The following LYG1 variants were observed in gnomAD, a reference collection of about 807,000 sequenced individuals.
LYG1 encodes lysozyme g-like protein 1.
LYG1 carries 17 observed loss-of-function variants against 21.7 expected under a neutral mutation model. The ratio of observed to expected loss-of-function variants is 0.78; its 90% CI spans 0.54 to 1.18. The LOEUF (loss-of-function observed/expected upper bound fraction) is 1.18, where lower values mean the gene tolerates loss of function less well. Among genes scored for constraint, LYG1 ranks in the 50% most tolerant of loss-of-function variants. The probability of loss-of-function intolerance (pLI) is 0.00; values close to 1 mark genes in which losing one functional copy is unlikely to be tolerated. For synonymous variants in LYG1, 81 were observed against 87.4 expected (o/e 0.93, Z 0.41); for missense variants, 211 against 238.1 (o/e 0.89, Z 0.75).
intron 5 of LYG1, among the ~76,000 whole-genome samples, chr2:99,289,028 A>G (rs1269747256): frequency 2.6e-5 from 4 of 152,186 alleles, no homozygotes; most frequent in Admixed American, 2.6e-4. Flanking sequence ...ATCAGCAACA[A>G]CTGAGAACTT....
intron 3 of LYG1, among the ~76,000 whole-genome samples, chr2:99,294,637 G>T (rs2094131091): frequency 6.6e-6 from 1 of 152,076 alleles, no homozygotes; most frequent in African/African-American, 2.4e-5. Context: ...CACACTCTAT[G>T]ATCCTCAAAA....
chr2:99,289,161 A>C (rs565665967), intron 5 of LYG1, among the ~76,000 whole-genome samples: 2 of 152,272 alleles, frequency 1.3e-5, no homozygotes, highest in East Asian at 3.9e-4. Flanking sequence ...AACTAGACTT[A>C]AAAAACAAAA....
upstream of LYG1, among the ~76,000 whole-genome samples, chr2:99,303,622 G>T (rs2094160216): frequency 6.6e-6 from 1 of 152,206 alleles, no homozygotes; most frequent in Non-Finnish European, 1.5e-5. Flanking sequence ...TCCCCTGGCT[G>T]CTGATTGCAT....
chr2:99,304,728 G>A (rs1389245412), upstream of LYG1: 1 of 152,124 alleles, frequency 6.6e-6, no homozygotes, highest in Non-Finnish European at 1.5e-5. Flanking sequence ...AGACCAGCCT[G>A]GGCAACATAG....
chr2:99,302,882 G>A (rs190145704), upstream of LYG1, among the ~76,000 whole-genome samples: 343 of 152,184 alleles, frequency 2.3e-3, 4 homozygotes, highest in African/African-American at 8.0e-3. Flanking sequence ...TCCAGGCATG[G>A]TGGCACACAC....
Position 99,292,581 on chromosome 2 carries a change from CA to C in LYG1, c.102del (p.Gly35GlufsTer12), listed in dbSNP as rs1454146127. 1 of 1,614,076 alleles carries C rather than the reference CA, an allele frequency of 6.2e-7. No individual in the cohort carries two copies. Among genetic ancestry groups the C allele is most frequent in the Non-Finnish European group, 8.5e-7 (1 of 1,180,030 alleles). ...CYGNIQSLDT[P>X]GASCGIGRRH... is the part of the protein sequence containing the mutation. Reference sequence around the variant, plus strand: ...CGTCTTCCAATCCCACAAGATGCTCCAGGGGTGTCCAGGCTTTGGATGTTTC... The same window carrying C: ...CGTCTTCCAATCCCACAAGATGCTCCGGGGTGTCCAGGCTTTGGATGTTTC... On this transcript the variant is annotated frameshift_variant, in exon 4 of 7. Coordinates refer to ENST00000308528, the MANE Select transcript of LYG1 (RefSeq NM_174898.3). LOFTEE classifies it high-confidence loss of function.
chr2:99,304,745 C>T (rs531724913), upstream of LYG1: 1 of 152,244 alleles, frequency 6.6e-6, no homozygotes, highest in South Asian at 2.1e-4. Flanking sequence ...ATAGCAACAT[C>T]CTGTCTCAAT....
chr2:99,284,642 TATTA>T (rs1559216206), intron 6 of LYG1, 42 bp downstream of exon 6: 4 of 1,606,002 alleles, frequency 2.5e-6, no homozygotes, highest in South Asian at 1.1e-5. Flanking sequence ...TATTTGTCCC[TATTA>T]ATTCTGTGCT....
At chr2:99,296,640 C>T (rs1163953185) in intron 2 of LYG1, among the ~76,000 whole-genome samples, 1 of 152,186 alleles carries the variant, frequency 6.6e-6, no homozygotes, top group Non-Finnish European at 1.5e-5. Context: ...CAAGCCCTGC[C>T]ACTCCAGGGT....
chr2:99,288,655 G>A (rs1212134492), intron 5 of LYG1, among the ~76,000 whole-genome samples: 3 of 152,078 alleles, frequency 2.0e-5, no homozygotes, highest in African/African-American at 7.2e-5. Context: ...TGCAACCTCC[G>A]CCTCCCAGGC....
chr2:99,286,089 C>T (rs1044378731), intron 5 of LYG1, among the ~76,000 whole-genome samples: 9 of 152,002 alleles, frequency 5.9e-5, no homozygotes, highest in African/African-American at 1.7e-4. Context: ...AGAGACTAAG[C>T]CAGCACACTC....
intron 3 of LYG1, 143 bp from the exon 4 acceptor site, chr2:99,292,783 T>C: frequency 1.6e-6 from 1 of 629,986 alleles, no homozygotes. Flanking sequence ...TCTTGAAATT[T>C]AAATGAGAAA....
At chr2:99,287,627 TTCTC>T (rs2094104338) in intron 5 of LYG1, among the ~76,000 whole-genome samples, 2 of 152,156 alleles carry the variant, frequency 1.3e-5, no homozygotes, top group African/African-American at 4.8e-5. Flanking sequence ...TATCTAGTGT[TTCTC>T]TATCATCCTG....
chr2:99,284,914 CTT>C (rs2094093984), intron 5 of LYG1, 94 bp from the exon 6 acceptor site: 1 of 1,484,188 alleles, frequency 6.7e-7, no homozygotes, highest in Admixed American at 2.0e-5. Context: ...TTTCCTGTCT[CTT>C]GTTCTCCTTT....
Position 99,284,813 on chromosome 2 carries a change from C to T in LYG1, c.341G>A (p.Gly114Asp), listed in dbSNP as rs1184309621. ...GDRTSMVQDP[G>D]SQAPTSWISE... The stretch of plus-strand genomic sequence containing the variant: ...AATCCAGGATGTGGGAGCTTGAGAG[C>T]CAGGGTCCTGCAGGGAAGGAGGCAG... Residue 114 changes from glycine to aspartate, a missense_variant, in exon 6 of 7, where the codon GGC becomes GAC. By Grantham distance (94) the Gly-to-Asp change is moderately conservative. Transcript: ENST00000308528. 4 of 1,612,610 alleles carry T rather than the reference C, an allele frequency of 2.5e-6. No individual in the cohort carries two copies. Among genetic ancestry groups the T allele is most frequent in the Admixed American group, 3.3e-5 (2 of 59,992 alleles).
Position 99,284,812 on chromosome 2 carries a change from G to A in LYG1, c.342C>T (p.Gly114=), listed in dbSNP as rs753741270. Residue 114 remains glycine (G), a synonymous_variant, in exon 6 of 7, where the codon GGC becomes GGT. Transcript: ENST00000308528. ...GDRTSMVQDP[G]SQAPTSWISE... ...TAATCCAGGATGTGGGAGCTTGAGA[G>A]CCAGGGTCCTGCAGGGAAGGAGGCA... is the stretch of plus-strand genomic sequence containing the variant. 3.2e-5 allele frequency: 51 copies of A among 1,612,736 alleles called. No homozygotes were observed. Among genetic ancestry groups the A allele is most frequent in the Non-Finnish European group, 4.2e-5 (50 of 1,179,884 alleles).
At chr2:99,284,908 C>G (rs765284327) in intron 5 of LYG1, 88 bp from the exon 6 acceptor site, 23 of 1,515,456 alleles carry the variant, frequency 1.5e-5, no homozygotes, top group Non-Finnish European at 2.0e-5. Context: ...TGTTCATTTC[C>G]TGTCTCTTGT....
rs571678447 is a variant in LYG1 at position 99,284,314 on chromosome 2, C to T, written c.*79G>A. ...TAGGTCAAACTCAGATTCCCAGTTA[C>T]AGGTGCCCTTGGCTAGTTTTATCTG... On this transcript the variant is annotated 3_prime_UTR_variant, in exon 7 of 7. Transcript: ENST00000308528. 20 of 1,228,030 alleles carry T rather than the reference C, an allele frequency of 1.6e-5. No individual in the cohort carries two copies. Among genetic ancestry groups the T allele is most frequent in the Non-Finnish European group, 2.2e-5 (19 of 851,726 alleles). The allele number at this position is 1,228,030 out of a possible 1,614,324, so 76.1% of individuals were successfully genotyped here. A position where few individuals can be genotyped will look rare whatever the true frequency, so the allele number is the denominator to read the frequency against.
In LYG1 at chr2:99,291,345, A is replaced by G; in HGVS notation, c.225T>C (p.Ile75=). The G allele has an allele frequency of 6.2e-7, 1 of 1,614,186 alleles. No individual in the cohort carries two copies. The change falls in exon 5 of 7, where the codon ATT becomes ATC. Residue 75 remains isoleucine, a synonymous_variant. Coordinates refer to ENST00000308528, the MANE Select transcript of LYG1 (RefSeq NM_174898.3). ...CAGGATCCATGCAGTACTTTTGGCC[A>G]ATGGTTTGCATCATGGGTTGATATT... The part of the protein sequence containing the change: ...LLKYQPMMQT[I]GQKYCMDPAV...
Sources: gnomAD v4.1 joint callset for allele counts (sites outside exome capture counted in the v4.1 genomes callset) on GRCh38, gnomAD v4.1.1 for gene constraint, MANE v1.5 for transcripts, NCBI Gene and HGNC (gene_info 2026-07-23, HGNC 2026-07-21) for gene names.